The following GPC5 variants were observed in gnomAD, a reference collection of about 807,000 sequenced individuals.
The protein encoded by GPC5 is glypican-5.
GPC5 carries 47 observed loss-of-function variants against 53.9 expected under a neutral mutation model. The observed-to-expected ratio is 0.87, with a 90% CI of 0.69 to 1.11. GPC5 has a LOEUF of 1.11. GPC5 is among the 50% of genes most tolerant of loss of function. GPC5 has a pLI of 0.00. For missense variants in GPC5, 748 were observed against 713.1 expected (o/e 1.05, Z -0.56); for synonymous variants, 286 against 263.3 (o/e 1.09, Z -0.84).
intron 1 of GPC5, among the ~76,000 whole-genome samples, chr13:91,411,787 C>T (rs1375759324): frequency 6.6e-6 from 1 of 152,118 alleles, no homozygotes; most frequent in Non-Finnish European, 1.5e-5. Context: ...TTTTAGGGTG[C>T]CAGTCTATTT....
At chr13:92,658,391 A>G (rs1886210189) in intron 7 of GPC5, among the ~76,000 whole-genome samples, 1 of 152,180 alleles carries the variant, frequency 6.6e-6, no homozygotes, top group Admixed American at 6.5e-5. Flanking sequence ...TGCAAAATTT[A>G]GAGTTCTATG....
intron 7 of GPC5, among the ~76,000 whole-genome samples, chr13:92,825,697 C>G (rs772829105): frequency 3.9e-5 from 6 of 152,048 alleles, no homozygotes; most frequent in Non-Finnish European, 8.8e-5. Flanking sequence ...ATTCTCTTAA[C>G]TCCATTCTGA....
At chr13:91,475,960 T>A (rs1414320087) in intron 2 of GPC5, among the ~76,000 whole-genome samples, 3 of 152,190 alleles carry the variant, frequency 2.0e-5, no homozygotes, top group African/African-American at 7.2e-5. Context: ...CAATTTCAAA[T>A]CTTGTAAGAG....
chr13:92,759,719 A>C lies in GPC5; in HGVS notation c.1562-106563A>C, dbSNP rs565523298. Among the ~76,000 whole-genome samples the C allele has an allele frequency of 2.0e-4, 31 of 151,988 alleles. 1 individual carries two copies. The East Asian group carries it at 6.0e-3, about 29-fold the overall frequency. On this transcript the variant is annotated intron_variant, in intron 7 of 7. Coordinates refer to ENST00000377067, the MANE Select transcript of GPC5 (RefSeq NM_004466.6). ...TATCTTTTATTTCTTTTTCTTGTCTAATTACTCTTGATAGTATTTCCAGTA... is the reference window on the plus strand; with the variant it reads ...TATCTTTTATTTCTTTTTCTTGTCTCATTACTCTTGATAGTATTTCCAGTA...
At chr13:91,474,322 T>C (rs1382367728) in intron 2 of GPC5, among the ~76,000 whole-genome samples, 1 of 152,172 alleles carries the variant, frequency 6.6e-6, no homozygotes, top group Non-Finnish European at 1.5e-5. Flanking sequence ...GTGAAGTTGG[T>C]TTCTTGTCTT....
intron 7 of GPC5, among the ~76,000 whole-genome samples, chr13:92,201,253 A>G (rs761499266): frequency 6.6e-6 from 1 of 152,192 alleles, no homozygotes; most frequent in Non-Finnish European, 1.5e-5. Context: ...ACATAAAATG[A>G]TGGATGAGAT....
At chr13:91,540,564 A>G (rs933399067) in intron 2 of GPC5, among the ~76,000 whole-genome samples, 1 of 152,210 alleles carries the variant, frequency 6.6e-6, no homozygotes, top group Non-Finnish European at 1.5e-5. Context: ...CACTGCAGAC[A>G]TTAAAAGCCT....
At chr13:91,641,434 G>A (rs2034427933) in intron 2 of GPC5, among the ~76,000 whole-genome samples, 1 of 152,200 alleles carries the variant, frequency 6.6e-6, no homozygotes, top group Non-Finnish European at 1.5e-5. Context: ...GACACGGAGG[G>A]GAACAACACA....
At chr13:91,640,920 A>C (rs915412391) in intron 2 of GPC5, among the ~76,000 whole-genome samples, 3 of 152,232 alleles carry the variant, frequency 2.0e-5, no homozygotes, top group South Asian at 4.1e-4. Context: ...AATGTGGTGC[A>C]TATACACCAA....
chr13:91,905,297 ATCTC>A (rs1013492899), intron 5 of GPC5, among the ~76,000 whole-genome samples: 3 of 151,866 alleles, frequency 2.0e-5, no homozygotes, highest in African/African-American at 7.2e-5. Context: ...TTCTCTCTCT[ATCTC>A]TCTCTATATA....
chr13:91,988,649 G>A (rs2040430097), intron 6 of GPC5, among the ~76,000 whole-genome samples: 2 of 152,156 alleles, frequency 1.3e-5, no homozygotes, highest in Admixed American at 1.3e-4. Context: ...CACAATTTCT[G>A]ATTGGTCACG....
At chr13:92,474,510 A>T (rs1879028299) in intron 7 of GPC5, among the ~76,000 whole-genome samples, 1 of 152,044 alleles carries the variant, frequency 6.6e-6, no homozygotes. Flanking sequence ...ATATGAGATG[A>T]ATAATATATA....
intron 7 of GPC5, among the ~76,000 whole-genome samples, chr13:92,211,908 G>A (rs977786202): frequency 4.6e-5 from 7 of 152,110 alleles, no homozygotes; most frequent in Non-Finnish European, 7.4e-5. Context: ...GACAGCATCA[G>A]AGATTTTGGC....
intron 7 of GPC5, among the ~76,000 whole-genome samples, chr13:92,468,575 A>T (rs9556179): frequency 0.3 from 45,085 of 152,020 alleles, 7,250 homozygotes; most frequent in East Asian, 0.42. Context: ...TTATTTGGAA[A>T]CTATTTGTAT....
intron 7 of GPC5, among the ~76,000 whole-genome samples, chr13:92,491,750 C>T (rs1879769764): frequency 6.6e-6 from 1 of 152,006 alleles, no homozygotes; most frequent in Non-Finnish European, 1.5e-5. Flanking sequence ...CAGTACATGC[C>T]CAAACTGTTG....
intron 5 of GPC5, among the ~76,000 whole-genome samples, chr13:91,835,456 A>G (rs1179337948): frequency 6.6e-6 from 1 of 152,204 alleles, no homozygotes; most frequent in Non-Finnish European, 1.5e-5. Context: ...TTGTGGCACT[A>G]TTCACAATAG....
At chr13:92,527,717 A>G (rs1012390184) in intron 7 of GPC5, among the ~76,000 whole-genome samples, 2 of 152,184 alleles carry the variant, frequency 1.3e-5, no homozygotes, top group African/African-American at 2.4e-5. Flanking sequence ...AACCACTTCC[A>G]CTAAGACACT....
chr13:92,830,219 TG>T (rs1181898863), intron 7 of GPC5, among the ~76,000 whole-genome samples: 1 of 152,124 alleles, frequency 6.6e-6, no homozygotes, highest in Non-Finnish European at 1.5e-5. Context: ...TTTTCCACAT[TG>T]TTTTTTTTCG....
intron 7 of GPC5, among the ~76,000 whole-genome samples, chr13:92,520,914 A>G (rs1348830314): frequency 6.6e-6 from 1 of 152,238 alleles, no homozygotes; most frequent in Non-Finnish European, 1.5e-5. Context: ...CCTTAAGCCG[A>G]TAAGCAACTT....
Sources: gnomAD v4.1 joint callset for allele counts (sites outside exome capture counted in the v4.1 genomes callset) on GRCh38, gnomAD v4.1.1 for gene constraint, MANE v1.5 for transcripts, NCBI Gene and HGNC (gene_info 2026-07-23, HGNC 2026-07-21) for gene names.